RBM23: variants seen among roughly 807,000 people sequenced by gnomAD.
RBM23 encodes probable RNA-binding protein 23.
A neutral mutation model predicts 56.2 loss-of-function variants in RBM23; 53 were observed. That is an observed-to-expected ratio of 0.94 (90% CI 0.76 to 1.19). The LOEUF is 1.19. RBM23 is among the 50% of genes most tolerant of loss of function. The probability of loss-of-function intolerance (pLI) is 0.00; values close to 1 mark genes in which losing one functional copy is unlikely to be tolerated. For synonymous variants in RBM23, 197 were observed against 198.5 expected (o/e 0.99, Z 0.06); for missense variants, 642 against 590.3 (o/e 1.09, Z -0.91).
intron 10 of RBM23, chr14:22,902,996 G>A: frequency 1.2e-6 from 1 of 814,858 alleles, no homozygotes; most frequent in Non-Finnish European, 1.5e-6. Flanking sequence ...TGGTCAGGCT[G>A]GTCTCGAACT....
At position 22,895,859 on chromosome 14, in the gene RBM23, G is replaced by A. The variant is rs1204682989; in HGVS notation, c.*5871C>T. Reference sequence around the variant, plus strand: ...TTAGGTACCTTGAAGGTACCTGTGAGGGGGGCTCATTTTGATTTTTCGAAA... The same window carrying A: ...TTAGGTACCTTGAAGGTACCTGTGAAGGGGGCTCATTTTGATTTTTCGAAA... On this transcript the variant is annotated 3_prime_UTR_variant, in exon 14 of 14. Coordinates refer to ENST00000359890, the MANE Select transcript of RBM23 (RefSeq NM_001077351.2). The A allele has an allele frequency of 6.6e-6, 1 of 152,092 alleles. No homozygotes were observed. The highest frequency in any genetic ancestry group is 1.5e-5 in the Non-Finnish European group (1 of 68,010). 9.4% of individuals were successfully genotyped at this position (152,092 alleles called of 1,614,324 possible). A position where few individuals can be genotyped will look rare whatever the true frequency, so the allele number is the denominator to read the frequency against.
chr14:22,916,070 G>C (rs1293002801), intron 1 of RBM23, among the ~76,000 whole-genome samples: 1 of 151,992 alleles, frequency 6.6e-6, no homozygotes, highest in African/African-American at 2.4e-5. Context: ...ATAAAAATTA[G>C]CCACGCATGG....
At chr14:22,903,659 C>A in intron 10 of RBM23, 1 of 1,000,978 alleles carries the variant, frequency 1.0e-6, no homozygotes, top group Non-Finnish European at 1.2e-6. Flanking sequence ...AAGCTTCTAT[C>A]AGACTTTGTG....
intron 1 of RBM23, chr14:22,917,658 C>A (rs1313455274): frequency 6.6e-6 from 1 of 152,002 alleles, no homozygotes; most frequent in Non-Finnish European, 1.5e-5. Context: ...GATCCGCCCG[C>A]CTCGGCCACC....
At position 22,896,016 on chromosome 14, in the gene RBM23, AG is replaced by A. The variant is rs2040243074; in HGVS notation, c.*5713del. ...CCTTGTAAGCTTGGGGCTTCAGTGC[AG>A]GAACAATTTATTTATTTAAAAATGA... On this transcript the variant is annotated 3_prime_UTR_variant, in exon 14 of 14. Coordinates refer to ENST00000359890, the MANE Select transcript of RBM23 (RefSeq NM_001077351.2). The A allele has an allele frequency of 6.6e-6, 1 of 152,212 alleles. No individual in the cohort carries two copies. Among genetic ancestry groups the A allele is most frequent in the South Asian group, 2.1e-4 (1 of 4,834 alleles). 9.4% of individuals were successfully genotyped at this position (152,212 alleles called of 1,614,324 possible). A position where few individuals can be genotyped will look rare whatever the true frequency, so the allele number is the denominator to read the frequency against.
Position 22,901,447 on chromosome 14 carries a change from G to T in RBM23, c.*283C>A. On this transcript the variant is annotated 3_prime_UTR_variant, in exon 14 of 14. Transcript: ENST00000359890. ...ATCACTAAGGTGTTGGAAAGGGCAA[G>T]AAGGTAATCTCAGAGACGATACACA... is the stretch of plus-strand genomic sequence containing the variant. 1.8e-6 allele frequency: 1 copy of T among 566,442 alleles called. No individual in the cohort carries two copies. The highest frequency in any genetic ancestry group is 3.1e-6 in the Non-Finnish European group (1 of 317,648). The allele number at this position is 566,442 out of a possible 1,614,324, so 35.1% of individuals were successfully genotyped here.
chr14:22,906,593 C>T (rs757282050), intron 4 of RBM23, among the ~76,000 whole-genome samples: 27 of 152,174 alleles, frequency 1.8e-4, no homozygotes, highest in Non-Finnish European at 2.9e-5. Context: ...AAAAATACAG[C>T]ACATCCAATT....
intron 1 of RBM23, 49 bp downstream of exon 1, chr14:22,918,950 G>A (rs560938066): frequency 1.3e-5 from 2 of 152,290 alleles, no homozygotes; most frequent in East Asian, 1.9e-4. Flanking sequence ...GTGCAGCAAC[G>A]TCACGCATTG....
At chr14:22,905,272 G>C in intron 7 of RBM23, 26 bp from the exon 8 acceptor site, 1 of 1,613,948 alleles carries the variant, frequency 6.2e-7, no homozygotes, top group Non-Finnish European at 8.5e-7. Flanking sequence ...AAGAAATCCT[G>C]AGTTAGGCAT....
intron 1 of RBM23, among the ~76,000 whole-genome samples, chr14:22,915,156 C>G (rs1380817036): frequency 6.6e-6 from 1 of 152,136 alleles, no homozygotes; most frequent in Non-Finnish European, 1.5e-5. Flanking sequence ...CTGCTAGACA[C>G]TGTGCTAAGC....
rs773711516 is a variant in RBM23, at chr14:22,905,166, C to A, written c.654G>T (p.Gln218His). 1.2e-6 allele frequency: 2 copies of A among 1,614,224 alleles called. No homozygotes were observed. The highest frequency in any genetic ancestry group is 3.3e-5 in the Admixed American group (2 of 60,016). ...TCAGCCCAATGGCCAGTGGCACAGA[C>A]TGGATTTCACAGAATTCCACGTAGG... is the stretch of plus-strand genomic sequence containing the variant. ...GIAYVEFCEI[Q>H]SVPLAIGLTG... Residue 218 changes from glutamine to histidine, a missense_variant, in exon 8 of 14, where the codon CAG becomes CAT. By Grantham distance (24) the Gln-to-His change is conservative. Transcript: ENST00000359890.
chr14:22,895,644 T>G lies in RBM23; in HGVS notation c.*6086A>C, dbSNP rs2040236640. 6.6e-6 allele frequency: 1 copy of G among 152,418 alleles called. No individual in the cohort carries two copies. The highest frequency in any genetic ancestry group is 6.5e-5 in the Admixed American group (1 of 15,270). 9.4% of individuals were successfully genotyped at this position (152,418 alleles called of 1,614,324 possible). A position where few individuals can be genotyped will look rare whatever the true frequency, so the allele number is the denominator to read the frequency against. ...CTCTACAAAAAATACAAAACTTAGC[T>G]GGGCATAGTGGCACATACCTGTAGT... On this transcript the variant is annotated 3_prime_UTR_variant, in exon 14 of 14. Transcript: ENST00000359890.
intron 10 of RBM23, chr14:22,902,813 C>T: frequency 1.1e-6 from 1 of 937,290 alleles, no homozygotes; most frequent in Non-Finnish European, 1.2e-6. Context: ...GTCACTCTGT[C>T]ACTGAGGCTA....
At chr14:22,912,356 T>A (rs779625984) in intron 1 of RBM23, among the ~76,000 whole-genome samples, 6 of 152,132 alleles carry the variant, frequency 3.9e-5, no homozygotes, top group African/African-American at 1.4e-4. Context: ...TTCTAACCAA[T>A]ACCAACTACA....
Position 22,901,560 on chromosome 14 carries a change from TG to T in RBM23, c.*169del. ...GCAGAGTCCATTTCCAGTGGGACCATGGGCAGGAGCTTTTCTTGGTATCTTA... is the reference window on the plus strand; with the variant it reads ...GCAGAGTCCATTTCCAGTGGGACCATGGCAGGAGCTTTTCTTGGTATCTTA... On this transcript the variant is annotated 3_prime_UTR_variant, in exon 14 of 14. Coordinates refer to ENST00000359890, the MANE Select transcript of RBM23 (RefSeq NM_001077351.2). 1.0e-6 allele frequency: 1 copy of T among 957,168 alleles called. No individual in the cohort carries two copies. The highest frequency in any genetic ancestry group is 1.6e-6 in the Non-Finnish European group (1 of 633,950). 59.3% of individuals were successfully genotyped at this position (957,168 alleles called of 1,614,324 possible). A position where few individuals can be genotyped will look rare whatever the true frequency, so the allele number is the denominator to read the frequency against.
chr14:22,903,410 G>A, intron 10 of RBM23: 1 of 985,498 alleles, frequency 1.0e-6, no homozygotes, highest in Non-Finnish European at 1.2e-6. Context: ...GGTTACAAAA[G>A]TTACTTGCCA....
At chr14:22,909,322 T>G (rs555850040) in intron 3 of RBM23, among the ~76,000 whole-genome samples, 161 bp downstream of exon 3, 2 of 152,220 alleles carry the variant, frequency 1.3e-5, no homozygotes, top group African/African-American at 2.4e-5. Context: ...GAAGACTAGA[T>G]AATTAAATCA....
intron 4 of RBM23, 145 bp downstream of exon 4, chr14:22,908,188 T>G: frequency 1.2e-6 from 1 of 836,552 alleles, no homozygotes; most frequent in Non-Finnish European, 1.8e-6. Context: ...ACCTGGGTAA[T>G]TTTTAAATTT....
intron 10 of RBM23, chr14:22,902,658 G>A (rs1326560461): frequency 6.2e-6 from 7 of 1,125,126 alleles, no homozygotes; most frequent in Non-Finnish European, 7.6e-6. Context: ...AACCTAGCCT[G>A]ACAAGTTATT....
Sources: allele counts gnomAD v4.1 joint callset (sites outside exome capture counted in the v4.1 genomes callset), GRCh38; gene constraint gnomAD v4.1.1; transcripts MANE v1.5; gene names NCBI Gene and HGNC (gene_info 2026-07-23, HGNC 2026-07-21).